EBF2: variants seen among roughly 807,000 people sequenced by gnomAD.
EBF2 encodes transcription factor COE2.
Under a neutral mutation model 72.8 loss-of-function variants are expected in EBF2, and 21 were observed. That is an observed-to-expected ratio of 0.29 (90% CI 0.20 to 0.42). The LOEUF is 0.42. Among genes scored for constraint, EBF2 ranks in the 10% least tolerant of loss-of-function variants. The probability of loss-of-function intolerance (pLI) is 1.00; values close to 1 mark genes in which losing one functional copy is unlikely to be tolerated. For missense variants in EBF2, 637 were observed against 731.2 expected, an observed-to-expected ratio of 0.87 and a Z score of 1.49; for synonymous variants, 299 against 274.2, an observed-to-expected ratio of 1.09 and a Z score of -0.89.
At chr8:26,007,550 C>T (rs1303609345) in intron 6 of EBF2, among the ~76,000 whole-genome samples, 1 of 152,090 alleles carries the variant, frequency 6.6e-6, no homozygotes, top group Non-Finnish European at 1.5e-5. Context: ...AAAACAGTCT[C>T]ATTTAGAAAA....
intron 6 of EBF2, among the ~76,000 whole-genome samples, chr8:25,981,101 C>T (rs1804354749): frequency 6.6e-6 from 1 of 152,144 alleles, no homozygotes; most frequent in South Asian, 2.1e-4. Flanking sequence ...CCTGCTCTGC[C>T]CCCGAAGCCT....
chr8:25,992,698 T>A (rs984911892), intron 6 of EBF2, among the ~76,000 whole-genome samples: 1 of 151,614 alleles, frequency 6.6e-6, no homozygotes, highest in Non-Finnish European at 1.5e-5. Flanking sequence ...AGCTCAGGAG[T>A]TCGAGACCAG....
intron 6 of EBF2, among the ~76,000 whole-genome samples, chr8:26,026,119 G>C (rs1398313597): frequency 6.6e-6 from 1 of 152,188 alleles, no homozygotes; most frequent in East Asian, 1.9e-4. Context: ...TGAGATTGCA[G>C]TGGGCTATGA....
chr8:25,855,221 C>A (rs1448320664), intron 14 of EBF2, among the ~76,000 whole-genome samples: 9 of 152,132 alleles, frequency 5.9e-5, no homozygotes, highest in African/African-American at 1.9e-4. Flanking sequence ...CTGGAACTCA[C>A]CGGGCACATA....
In EBF2 at chr8:25,890,420, G is replaced by C. The variant is rs3829010; in HGVS notation, c.634-551C>G. On this transcript the variant is annotated intron_variant, in intron 7 of 15. Transcript: ENST00000520164. ...GAGAAGATAAGGTTGCCATAATTCA[G>C]TGTTGAAAATAGAGGATGTGTAGCA... is the stretch of plus-strand genomic sequence containing the variant. Among the ~76,000 whole-genome samples the C allele has an allele frequency of 1.6e-4, 24 of 152,346 alleles. No homozygotes were observed. The East Asian group carries it at 4.6e-3, about 29-fold the overall frequency.
chr8:25,881,364 CT>C (rs1424462788), intron 10 of EBF2, among the ~76,000 whole-genome samples: 1 of 152,226 alleles, frequency 6.6e-6, no homozygotes, highest in Non-Finnish European at 1.5e-5. Flanking sequence ...ACCCCAGGGT[CT>C]TTGCACATAC....
intron 6 of EBF2, among the ~76,000 whole-genome samples, chr8:25,920,376 C>A (rs753112727): frequency 1.3e-5 from 2 of 152,202 alleles, no homozygotes; most frequent in Non-Finnish European, 2.9e-5. Flanking sequence ...CCACTTCCTC[C>A]ATAAAGCACT....
At chr8:25,975,078 G>A (rs979902739) in intron 6 of EBF2, among the ~76,000 whole-genome samples, 2 of 151,994 alleles carry the variant, frequency 1.3e-5, no homozygotes, top group East Asian at 1.9e-4. Flanking sequence ...ACCTCGGCTC[G>A]AAATCCCACT....
chr8:25,997,495 C>A (rs1563203222), intron 6 of EBF2, among the ~76,000 whole-genome samples: 2 of 150,142 alleles, frequency 1.3e-5, no homozygotes, highest in Non-Finnish European at 3.0e-5. Context: ...CACTTGAGCC[C>A]AGGAGGTTGA....
At chr8:25,890,398 A>G (rs948437390) in intron 7 of EBF2, among the ~76,000 whole-genome samples, 1 of 152,160 alleles carries the variant, frequency 6.6e-6, no homozygotes, top group Non-Finnish European at 1.5e-5. Context: ...TTTTGCTGAG[A>G]AGATAAGGTT....
chr8:25,938,787 G>A (rs1251506184), intron 6 of EBF2, among the ~76,000 whole-genome samples: 2 of 152,162 alleles, frequency 1.3e-5, no homozygotes, highest in African/African-American at 2.4e-5. Flanking sequence ...TCCCTGTGAT[G>A]TGGGGGGCCT....
intron 15 of EBF2, among the ~76,000 whole-genome samples, chr8:25,849,274 T>A (rs1235374393): frequency 6.6e-6 from 1 of 152,220 alleles, no homozygotes; most frequent in Non-Finnish European, 1.5e-5. Context: ...GTCACTTGAC[T>A]TCCAGAAGAC....
chr8:25,881,986 A>T (rs530744241), intron 10 of EBF2, among the ~76,000 whole-genome samples: 1 of 152,188 alleles, frequency 6.6e-6, no homozygotes, highest in Non-Finnish European at 1.5e-5. Flanking sequence ...AAAACCTTGC[A>T]CTCATTCTCC....
At chr8:25,948,393 C>T (rs1312248839) in intron 6 of EBF2, among the ~76,000 whole-genome samples, 1 of 152,184 alleles carries the variant, frequency 6.6e-6, no homozygotes, top group Non-Finnish European at 1.5e-5. Context: ...CCAGATGCCC[C>T]TCAGATCCAA....
intron 6 of EBF2, among the ~76,000 whole-genome samples, chr8:25,961,427 G>C (rs192212213): frequency 2.0e-5 from 3 of 152,110 alleles, no homozygotes; most frequent in African/African-American, 7.2e-5. Context: ...GCAGTGGCGC[G>C]ATCTTGGCTC....
At chr8:26,043,092 C>A (rs1188328544) in intron 1 of EBF2, among the ~76,000 whole-genome samples, 1 of 152,248 alleles carries the variant, frequency 6.6e-6, no homozygotes, top group Non-Finnish European at 1.5e-5. Context: ...CCAGCCGAAC[C>A]CAGTGACTGT....
intron 10 of EBF2, among the ~76,000 whole-genome samples, chr8:25,880,993 T>A (rs1802597312): frequency 6.6e-6 from 1 of 151,916 alleles, no homozygotes; most frequent in South Asian, 2.1e-4. Flanking sequence ...ATCCAATCAA[T>A]CATCAAGTTG....
chr8:25,943,122 C>T (rs1207462041), intron 6 of EBF2, among the ~76,000 whole-genome samples: 1 of 151,952 alleles, frequency 6.6e-6, no homozygotes, highest in Non-Finnish European at 1.5e-5. Context: ...TCCTATGGAA[C>T]AAAATTGTTA....
chr8:25,886,693 C>T (rs975504595), intron 10 of EBF2, 62 bp downstream of exon 10: 69 of 1,535,252 alleles, frequency 4.5e-5, no homozygotes, highest in Non-Finnish European at 5.9e-5. Flanking sequence ...AGTGCAGATA[C>T]TGGGAACTAG....
Sources: allele counts gnomAD v4.1 joint callset (sites outside exome capture counted in the v4.1 genomes callset), GRCh38; gene constraint gnomAD v4.1.1; transcripts MANE v1.5; gene names NCBI Gene and HGNC (gene_info 2026-07-23, HGNC 2026-07-21).